The following FLII variants were observed in gnomAD, a reference collection of about 807,000 sequenced individuals.
The protein encoded by FLII is FLII actin remodeling protein.
Under a neutral mutation model 156.2 loss-of-function variants are expected in FLII, and 101 were observed. The observed-to-expected ratio is 0.65, with a 90% CI of 0.55 to 0.76. The LOEUF is 0.76. FLII is among the 30% of genes least tolerant of loss of function. FLII has a pLI of 0.00. For synonymous variants in FLII, 767 were observed against 685.8 expected, an observed-to-expected ratio of 1.12 and a Z score of -1.85; for missense variants, 1,675 against 1,682.8, an observed-to-expected ratio of 1.00 and a Z score of 0.08.
At chr17:18,256,637 G>C in intron 2 of FLII, 40 bp from the exon 3 acceptor site, 1 of 1,524,964 alleles carries the variant, frequency 6.6e-7, no homozygotes, top group African/African-American at 1.4e-5. Flanking sequence ...CAGGGTGGGT[G>C]GGGTGTCCAG....
chr17:18,251,909 C>A, intron 11 of FLII, 90 bp downstream of exon 11: 2 of 1,604,498 alleles, frequency 1.2e-6, no homozygotes, highest in South Asian at 1.1e-5. Flanking sequence ...CACCAGGGTC[C>A]AGAAAGCTGT....
intron 9 of FLII, 99 bp downstream of exon 9, chr17:18,253,202 T>C (rs2048320564): frequency 8.1e-7 from 1 of 1,241,682 alleles, no homozygotes; most frequent in Admixed American, 2.3e-5. Context: ...CCCATCTTCA[T>C]TTTGTCTGAC....
Position 18,248,731 on chromosome 17 carries a change from G to C in FLII, c.2019-10C>G, listed in dbSNP as rs1329794954. 1.9e-6 allele frequency: 3 copies of C among 1,613,896 alleles called. No homozygotes were observed. The Admixed American group carries it at 5.0e-5, about 27-fold the overall frequency. On this transcript the variant is annotated splice_polypyrimidine_tract_variant and intron_variant, in intron 17 of 29. Transcript: ENST00000327031. ...TTTCTCTGCAAAGAGCCTGAGAGCA[G>C]GATGCAAAGTCATCAGCGAGGCTCA...
chr17:18,245,602 C>G lies in FLII; in HGVS notation c.3562G>C (p.Asp1188His). 1 of 1,614,012 alleles carries G rather than the reference C, an allele frequency of 6.2e-7. No individual in the cohort carries two copies. Among genetic ancestry groups the G allele is most frequent in the Non-Finnish European group, 8.5e-7 (1 of 1,180,022 alleles). Residue 1188 changes from aspartate (D) to histidine (H), a missense_variant, in exon 28 of 30, where the codon GAT (aspartate) becomes CAT (histidine). Around this residue, in one of 2 missense-constraint regions of FLII, gnomAD observed 1,332 missense variants for 1,269.3 expected, o/e 1.05. Transcript: ENST00000327031. Reference protein sequence around the residue: ...VTEKCSDFCQDDLADDDIMLL... With the variant: ...VTEKCSDFCQHDLADDDIMLL... The stretch of plus-strand genomic sequence containing the variant: ...ATGATGTCATCATCTGCCAGGTCAT[C>G]TTGGCAAAAGTCGGAGCATTTCTCA...
At chr17:18,245,443 C>G (rs777359088) in intron 28 of FLII, 24 bp from the exon 29 acceptor site, 9 of 1,613,622 alleles carry the variant, frequency 5.6e-6, no homozygotes, top group Non-Finnish European at 7.6e-6. Flanking sequence ...AGGGGAGATA[C>G]GGTTGCATGG....
In FLII at chr17:18,248,780, A is replaced by G. The variant is rs779754674; in HGVS notation, c.2018+20T>C. 1.2e-6 allele frequency: 2 copies of G among 1,613,582 alleles called. No homozygotes were observed. Among genetic ancestry groups the G allele is most frequent in the Non-Finnish European group, 1.7e-6 (2 of 1,179,816 alleles). On this transcript the variant is annotated intron_variant, in intron 17 of 29. Coordinates refer to ENST00000327031, the MANE Select transcript of FLII (RefSeq NM_002018.4). The stretch of plus-strand genomic sequence containing the variant: ...CACACCCCTTTCCTTCACACAAAAG[A>G]CCCCACGGTGTCCTTGTACCTGGCC...
chr17:18,255,093 G>A lies in FLII; in HGVS notation c.327+90C>T, dbSNP rs2048376632. ...GACTCAGTTTTCCCATCTGCAAAAT[G>A]GGATAACAATGGCCCCAGGGACTTT... On this transcript the variant is annotated intron_variant, in intron 4 of 29. Coordinates refer to ENST00000327031, the MANE Select transcript of FLII (RefSeq NM_002018.4). 3.6e-6 allele frequency: 4 copies of A among 1,114,210 alleles called. No homozygotes were observed. The African/African-American group carries it at 4.6e-5, about 13-fold the overall frequency. The allele number at this position is 1,114,210 out of a possible 1,614,324, so 69.0% of individuals were successfully genotyped here. A position where few individuals can be genotyped will look rare whatever the true frequency, so the allele number is the denominator to read the frequency against.
Position 18,247,728 on chromosome 17 carries a change from C to T in FLII, c.2416G>A (p.Glu806Lys), listed in dbSNP as rs2048127205. 6.2e-7 allele frequency: 1 copy of T among 1,604,520 alleles called. No individual in the cohort carries two copies. Among genetic ancestry groups the T allele is most frequent in the Non-Finnish European group, 8.5e-7 (1 of 1,179,740 alleles). ...GGCCGGTGCAGCATCCCGCACAGCTCCTGACCCAGCTTGAGGGCGGCAGCG... is the reference window on the plus strand; with the variant it reads ...GGCCGGTGCAGCATCCCGCACAGCTTCTGACCCAGCTTGAGGGCGGCAGCG... ...VRAAALKLGQ[E>K]LCGMLHRPRH... The change falls in exon 20 of 30, where the codon GAG (glutamate) becomes AAG (lysine). Residue 806 changes from glutamate (E) to lysine (K), a missense_variant. Physicochemically the swap from Glu to Lys is moderately conservative, Grantham distance 56 (BLOSUM62 1). Coordinates refer to ENST00000327031, the MANE Select transcript of FLII (RefSeq NM_002018.4).
intron 25 of FLII, 23 bp from the exon 26 acceptor site, chr17:18,246,085 G>C (rs766268755): frequency 1.2e-6 from 2 of 1,613,932 alleles, no homozygotes; most frequent in Non-Finnish European, 1.7e-6. Flanking sequence ...CAGGGGTGGG[G>C]GTGTTCGCAG....
At chr17:18,252,654 C>G (rs929518431) in intron 9 of FLII, 98 bp from the exon 10 acceptor site, 1 of 923,930 alleles carries the variant, frequency 1.1e-6, no homozygotes, top group African/African-American at 1.6e-5. Flanking sequence ...CAGGTAGGGT[C>G]AGAGGAACTG....
Position 18,247,008 on chromosome 17 carries a change from C to T in FLII, c.2721G>A (p.Met907Ile). The T allele has an allele frequency of 1.2e-6, 2 of 1,614,062 alleles. No individual in the cohort carries two copies. Among genetic ancestry groups the T allele is most frequent in the South Asian group, 1.1e-5 (1 of 91,090 alleles). ...MEEWNEDLDG[M>I]EGFVLEGKKF... ...TCTTGCCCTCCAGCACGAAACCCTC[C>T]ATGCCGTCTAGGTCTTCGTTCCACT... is the stretch of plus-strand genomic sequence containing the variant. Residue 907 changes from methionine to isoleucine, a missense_variant, in exon 22 of 30, where the codon ATG (methionine) becomes ATA (isoleucine). Coordinates refer to ENST00000327031, the MANE Select transcript of FLII (RefSeq NM_002018.4).
chr17:18,245,292 C>T lies in FLII; in HGVS notation c.3676-20G>A. On this transcript the variant is annotated intron_variant, in intron 29 of 29. Transcript: ENST00000327031. ...ATATACCTGGCAAGGGGACAGCGAG[C>T]CTTGGGTGATGACCCTGCCCTGCCC... The T allele has an allele frequency of 6.2e-7, 1 of 1,612,786 alleles. No homozygotes were observed. The highest frequency in any genetic ancestry group is 1.3e-5 in the African/African-American group (1 of 75,060).
rs528748907 is a variant in FLII at position 18,251,096 on chromosome 17, A to G, written c.1597-79T>C. ...CCGGAGACGCCACTCTGAACAGCAC[A>G]GGCTTCCCAGCCCCAGGGGCTTTGT... is the stretch of plus-strand genomic sequence containing the variant. On this transcript the variant is annotated intron_variant, in intron 13 of 29. Transcript: ENST00000327031. 5.8e-5 allele frequency: 87 copies of G among 1,493,634 alleles called. No homozygotes were observed. The East Asian group carries it at 1.9e-3, about 33-fold the overall frequency. 92.5% of individuals were successfully genotyped at this position (1,493,634 alleles called of 1,614,324 possible). A position where few individuals can be genotyped will look rare whatever the true frequency, so the allele number is the denominator to read the frequency against.
Position 18,247,235 on chromosome 17 carries a change from T to G in FLII, c.2610A>C (p.Lys870Asn). 15 of 1,602,912 alleles carry G rather than the reference T, an allele frequency of 9.4e-6. No homozygotes were observed. The highest frequency in any genetic ancestry group is 1.2e-5 in the Non-Finnish European group (14 of 1,179,234). Residue 870 changes from lysine (K) to asparagine (N), a missense_variant, in exon 21 of 30, where the codon AAA becomes AAC. This residue lies in a region of FLII where 1,332 missense variants were observed against 1,269.3 expected (regional missense o/e 1.05). Transcript: ENST00000327031. ...CAGTGAGGTCAGCCTTCATCTGGTC[T>G]TTCTTCTCGGCGTCGCGTTTCACCT... ...SGKVKRDAEK[K>N]DQMKADLTAL...
At chr17:18,254,237 G>A (rs928014344) in intron 6 of FLII, 55 bp from the exon 7 acceptor site, 129 of 1,425,072 alleles carry the variant, frequency 9.1e-5, no homozygotes, top group Non-Finnish European at 1.2e-4. Flanking sequence ...AGTGTTAAGG[G>A]TGGGGCTTGG....
In FLII at chr17:18,247,849, C is replaced by G. The variant is rs761746588; in HGVS notation, c.2296-1G>C. 6.2e-7 allele frequency: 1 copy of G among 1,613,854 alleles called. No homozygotes were observed. Among genetic ancestry groups the G allele is most frequent in the Non-Finnish European group, 8.5e-7 (1 of 1,180,020 alleles). On this transcript the variant is annotated splice_acceptor_variant, in intron 19 of 29. Transcript: ENST00000327031. LOFTEE classifies it high-confidence loss of function. ...AGCGCGTGTCCAGCAGACTCTGCAG[C>G]TGCGGACCGGGAGTCTGGAGGTCAA...
rs760998690 is a variant in FLII, at chr17:18,247,187, C to T, written c.2658G>A (p.Pro886=). 5 of 1,481,610 alleles carry T rather than the reference C, an allele frequency of 3.4e-6. No individual in the cohort carries two copies. The African/African-American group carries it at 4.5e-5, about 13-fold the overall frequency. 91.8% of individuals were successfully genotyped at this position (1,481,610 alleles called of 1,614,324 possible). ...DLTALFLPRQ[P]PMSLAEAEQL... The stretch of plus-strand genomic sequence containing the variant: ...CCCCCACCTCGGCCAGCGACATGGG[C>T]GGCTGCCGCGGCAGGAAAAGCGCAG... Residue 886 remains proline, a synonymous_variant, in exon 21 of 30, where the codon CCG becomes CCA. Transcript: ENST00000327031.
chr17:18,257,057 G>A (rs2048441671), intron 1 of FLII, 38 bp from the exon 2 acceptor site: 1 of 1,385,742 alleles, frequency 7.2e-7, no homozygotes, highest in African/African-American at 1.4e-5. Context: ...CAGAGCCCCT[G>A]CTCACCACCT....
At position 18,256,492 on chromosome 17, in the gene FLII, C is replaced by G. The variant is rs1214609201; in HGVS notation, c.246+34G>C. On this transcript the variant is annotated intron_variant, in intron 3 of 29. Transcript: ENST00000327031. Reference sequence around the variant, plus strand: ...GTCCCTGACCGGACCTTGGCCCCAACCCCAAGCTCGGTGGCCTCCCGGCCA... The same window carrying G: ...GTCCCTGACCGGACCTTGGCCCCAAGCCCAAGCTCGGTGGCCTCCCGGCCA... 2.0e-6 allele frequency: 3 copies of G among 1,537,244 alleles called. No individual in the cohort carries two copies. In the East Asian group the frequency reaches 7.3e-5, roughly 38 times the overall value.
Sources: gnomAD v4.1 joint callset for allele counts on GRCh38, gnomAD v4.1.1 for gene constraint, gnomAD v4.1.1 regional missense constraint, MANE v1.5 for transcripts, NCBI Gene and HGNC (gene_info 2026-07-23, HGNC 2026-07-21) for gene names.